Variants in PPP1CC observed in about 807,000 individuals in gnomAD.
PPP1CC encodes the protein protein phosphatase 1 catalytic subunit gamma.
Under a neutral mutation model 38.4 loss-of-function variants are expected in PPP1CC, and 16 were observed. That is an observed-to-expected ratio of 0.42 (90% CI 0.28 to 0.63). PPP1CC has a LOEUF of 0.63. PPP1CC is among the 30% of genes least tolerant of loss of function. The probability of loss-of-function intolerance (pLI) is 0.25; values close to 1 mark genes in which losing one functional copy is unlikely to be tolerated. For missense variants in PPP1CC, 170 were observed against 391.3 expected (o/e 0.43, Z 4.77); for synonymous variants, 158 against 136.0 (o/e 1.16, Z -1.13).
In PPP1CC at chr12:110,720,556, A is replaced by G. The variant is rs972694224; in HGVS notation, c.*520T>C. The G allele has an allele frequency of 4.3e-6, 1 of 235,212 alleles. No homozygotes were observed. Among genetic ancestry groups the G allele is most frequent in the Non-Finnish European group, 8.3e-6 (1 of 119,926 alleles). The allele number at this position is 235,212 out of a possible 1,614,324, so 14.6% of individuals were successfully genotyped here. A position where few individuals can be genotyped will look rare whatever the true frequency, so the allele number is the denominator to read the frequency against. ...AAAGTTACTCCTAATGTTGATAGCTATAAAAACTAGTTTGTACATAACAAG... is the reference window on the plus strand; with the variant it reads ...AAAGTTACTCCTAATGTTGATAGCTGTAAAAACTAGTTTGTACATAACAAG... On this transcript the variant is annotated 3_prime_UTR_variant, in exon 7 of 7. Transcript: ENST00000335007.
At chr12:110,726,410 G>A (rs2069799832) in intron 3 of PPP1CC, 1 of 152,082 alleles carries the variant, frequency 6.6e-6, no homozygotes, top group Non-Finnish European at 1.5e-5. Context: ...TTCACTAGGG[G>A]GTTCGGAAAG....
intron 4 of PPP1CC, among the ~76,000 whole-genome samples, chr12:110,723,790 T>C (rs992309992): frequency 4.6e-5 from 7 of 152,176 alleles, no homozygotes; most frequent in Admixed American, 3.9e-4. Context: ...GAATTACAGA[T>C]GCGAGCCACT....
intron 3 of PPP1CC, among the ~76,000 whole-genome samples, chr12:110,729,606 T>C (rs1467471602): frequency 1.3e-5 from 2 of 152,260 alleles, no homozygotes; most frequent in Non-Finnish European, 2.9e-5. Flanking sequence ...AAATAATCTT[T>C]GTTCAGCACA....
the PPP1CC span, among the ~76,000 whole-genome samples, chr12:110,711,752 C>T: frequency 2.0e-5 from 3 of 151,522 alleles, no homozygotes; most frequent in Admixed American, 1.3e-4. Context: ...TGGAAAAAAC[C>T]CCATCTGTAC....
Position 110,732,115 on chromosome 12 carries a change from A to G in PPP1CC, c.56-214T>C, listed in dbSNP as rs1012419344. 2.9e-5 allele frequency: 17 copies of G among 587,806 alleles called. No individual in the cohort carries two copies. In the Admixed American group the frequency reaches 5.5e-4, roughly 19 times the overall value. 36.4% of individuals were successfully genotyped at this position (587,806 alleles called of 1,614,324 possible). ...TTCGATACCAAGTAAGACTTCTTTT[A>G]TAGTATTCCAAAAAAGGAGCCATCC... On this transcript the variant is annotated intron_variant, in intron 1 of 6. Transcript: ENST00000335007.
chr12:110,727,870 A>C (rs2069819176), intron 3 of PPP1CC, among the ~76,000 whole-genome samples: 1 of 152,184 alleles, frequency 6.6e-6, no homozygotes, highest in African/African-American at 2.4e-5. Flanking sequence ...AAGCTTGAGC[A>C]TAAGATCTAC....
intron 1 of PPP1CC, among the ~76,000 whole-genome samples, chr12:110,737,127 T>C (rs79397529): frequency 0.013 from 2,016 of 152,300 alleles, 20 homozygotes; most frequent in South Asian, 0.025. Flanking sequence ...ACATTAAGCA[T>C]TCCCATAAAC....
At chr12:110,710,910 C>T in the PPP1CC span, among the ~76,000 whole-genome samples, 117 of 151,762 alleles carry the variant, frequency 7.7e-4, no homozygotes, top group Admixed American at 3.0e-3. Flanking sequence ...GGATGGCTGA[C>T]GTCTGTAATC....
At chr12:110,714,328 AT>A in the PPP1CC span, among the ~76,000 whole-genome samples, 1 of 152,082 alleles carries the variant, frequency 6.6e-6, no homozygotes, top group Admixed American at 6.5e-5. Context: ...TGAGAGGAAC[AT>A]GGGGCAGATC....
intron 4 of PPP1CC, among the ~76,000 whole-genome samples, chr12:110,724,217 G>C (rs950091776): frequency 6.6e-6 from 1 of 151,992 alleles, no homozygotes; most frequent in Non-Finnish European, 1.5e-5. Flanking sequence ...CAGCCTGGGT[G>C]AGAGAGCGAG....
intron 1 of PPP1CC, among the ~76,000 whole-genome samples, chr12:110,741,821 C>G (rs115887800): frequency 6.6e-6 from 1 of 152,146 alleles, no homozygotes; most frequent in Admixed American, 6.5e-5. Context: ...AAATATCTTG[C>G]AATGGGTGGG....
Position 110,719,874 on chromosome 12 carries a change from G to A in PPP1CC, c.*1202C>T. 1 of 451,208 alleles carries A rather than the reference G, an allele frequency of 2.2e-6. No individual in the cohort carries two copies. Among genetic ancestry groups the A allele is most frequent in the South Asian group, 3.8e-5 (1 of 25,994 alleles). The allele number at this position is 451,208 out of a possible 1,614,324, so 28.0% of individuals were successfully genotyped here. A position where few individuals can be genotyped will look rare whatever the true frequency, so the allele number is the denominator to read the frequency against. ...TATGCCATCAACAGTTCTCCTGTGT[G>A]TATTGTGCTGATAAATAGACACTGA... On this transcript the variant is annotated 3_prime_UTR_variant, in exon 7 of 7. Transcript: ENST00000335007.
At position 110,720,447 on chromosome 12, in the gene PPP1CC, A is replaced by C; in HGVS notation, c.*629T>G. On this transcript the variant is annotated 3_prime_UTR_variant, in exon 7 of 7. Transcript: ENST00000335007. ...GAAAGAGTCACAAATATTTAAAAGA[A>C]TGGCTTTGTCATTTTAAGTATACGG... 2.2e-6 allele frequency: 1 copy of C among 463,026 alleles called. No individual in the cohort carries two copies. Among genetic ancestry groups the C allele is most frequent in the Non-Finnish European group, 3.8e-6 (1 of 260,326 alleles). The allele number at this position is 463,026 out of a possible 1,614,324, so 28.7% of individuals were successfully genotyped here.
intron 4 of PPP1CC, among the ~76,000 whole-genome samples, chr12:110,723,564 C>T (rs1228225227): frequency 6.6e-6 from 1 of 152,152 alleles, no homozygotes; most frequent in African/African-American, 2.4e-5. Context: ...GGCTGGAGTG[C>T]AGTGGTGCGA....
intron 1 of PPP1CC, among the ~76,000 whole-genome samples, chr12:110,734,189 G>A (rs1472320533): frequency 6.6e-6 from 1 of 152,210 alleles, no homozygotes; most frequent in Non-Finnish European, 1.5e-5. Context: ...CCCACTGGTA[G>A]AATGTAAACC....
At chr12:110,736,853 T>C (rs952500091) in intron 1 of PPP1CC, among the ~76,000 whole-genome samples, 1 of 152,110 alleles carries the variant, frequency 6.6e-6, no homozygotes, top group Non-Finnish European at 1.5e-5. Flanking sequence ...ATTGTTTAAA[T>C]AAAAACATAT....
At chr12:110,736,811 A>G (rs1187812071) in intron 1 of PPP1CC, among the ~76,000 whole-genome samples, 1 of 152,228 alleles carries the variant, frequency 6.6e-6, no homozygotes, top group Non-Finnish European at 1.5e-5. Context: ...AGGAATAAAA[A>G]AGTATTTTCC....
chr12:110,727,332 C>T (rs1406737102), intron 3 of PPP1CC, among the ~76,000 whole-genome samples: 2 of 152,144 alleles, frequency 1.3e-5, no homozygotes, highest in African/African-American at 4.8e-5. Context: ...AGTTTGTTTC[C>T]TCCTTTTCCC....
rs2069736135 is a variant in PPP1CC at position 110,721,272 on chromosome 12, C to A, written c.883-107G>T. ...TGTTCAGATGGTGTTCACAACTGCC[C>A]CAACAACTGTAAAAGCCCCCCTAGC... On this transcript the variant is annotated intron_variant, in intron 6 of 6. Transcript: ENST00000335007. The A allele has an allele frequency of 7.0e-6, 6 of 853,944 alleles. No homozygotes were observed. The Admixed American group carries it at 9.5e-5, about 13-fold the overall frequency. The allele number at this position is 853,944 out of a possible 1,614,324, so 52.9% of individuals were successfully genotyped here. A position where few individuals can be genotyped will look rare whatever the true frequency, so the allele number is the denominator to read the frequency against.
Sources: allele counts gnomAD v4.1 joint callset (sites outside exome capture counted in the v4.1 genomes callset), GRCh38; gene constraint gnomAD v4.1.1; transcripts MANE v1.5; gene names NCBI Gene and HGNC (gene_info 2026-07-23, HGNC 2026-07-21).